The following CCDC18 variants were observed in gnomAD, a reference collection of about 807,000 sequenced individuals.
The protein encoded by CCDC18 is coiled-coil domain containing 18.
In CCDC18, 157 loss-of-function variants were observed where a neutral mutation model predicts 196.0. The observed-to-expected ratio is 0.80, with a 90% confidence interval of 0.70 to 0.91. CCDC18 has a LOEUF of 0.91. Ranked by LOEUF, CCDC18 falls within the 40% of genes least tolerant of loss-of-function variation. The probability of loss-of-function intolerance (pLI) is 0.00; values close to 1 mark genes in which losing one functional copy is unlikely to be tolerated. For synonymous variants in CCDC18, 482 were observed against 529.2 expected (o/e 0.91, Z 1.22); for missense variants, 1,465 against 1,611.6 (o/e 0.91, Z 1.56).
intron 8 of CCDC18, among the ~76,000 whole-genome samples, chr1:93,206,602 ATTAAGACTT>A (rs375707908): frequency 7.2e-5 from 11 of 152,164 alleles, no homozygotes; most frequent in African/African-American, 2.7e-4. Flanking sequence ...CCAGTGTGCC[ATTAAGACTT>A]GTTGATGCAG....
intron 6 of CCDC18, 77 bp from the exon 7 acceptor site, chr1:93,201,815 A>T: frequency 2.3e-6 from 2 of 868,442 alleles, no homozygotes; most frequent in Non-Finnish European, 3.5e-6. Flanking sequence ...CCTTATAATT[A>T]AAGATTACTT....
intron 25 of CCDC18, among the ~76,000 whole-genome samples, chr1:93,257,246 AAAAAAAAAAAAAAC>A (rs1663111940): frequency 6.9e-6 from 1 of 144,942 alleles, no homozygotes; most frequent in Non-Finnish European, 1.5e-5. Context: ...AAAAAAAAAA[AAAAAAAAAAAAAAC>A]ATGAAAACTA....
chr1:93,210,892 T>C lies in CCDC18; in HGVS notation c.1300T>C (p.Cys434Arg). Residue 434 changes from cysteine to arginine, a missense_variant, in exon 10 of 29, where the codon TGT becomes CGT. Transcript: ENST00000690025. ...SNKEDRCIGC[C>R]EANKLVISEL... ...CAAGGAAGACCGTTGCATTGGCTGC[T>C]GTGAGGCAAATAAATTGGTGATTTC... 6.2e-7 allele frequency: 1 copy of C among 1,613,956 alleles called. No individual in the cohort carries two copies. Among genetic ancestry groups the C allele is most frequent in the Non-Finnish European group, 8.5e-7 (1 of 1,179,868 alleles).
At chr1:93,206,970 A>G (rs1654814974) in intron 8 of CCDC18, 137 bp from the exon 9 acceptor site, 1 of 513,472 alleles carries the variant, frequency 1.9e-6, no homozygotes, top group African/African-American at 2.0e-5. Flanking sequence ...GCATGCAGAA[A>G]GTAGGTATTT....
rs1654848485 is a variant in CCDC18, at chr1:93,207,211, T to C, written c.1022T>C (p.Leu341Ser). ...CTAACTGAATCTAGACAAAGTATTT[T>C]GAAGCTAGAGAGTGAGTTAGAGAAC... ...AQLTESRQSI[L>S]KLESELENKD... is the part of the protein sequence containing the mutation. Residue 341 changes from leucine (L) to serine (S), a missense_variant, in exon 9 of 29, where the codon TTG becomes TCG. By Grantham distance (145) the Leu-to-Ser change is moderately radical. Transcript: ENST00000690025. 4 of 1,613,106 alleles carry C rather than the reference T, an allele frequency of 2.5e-6. No individual in the cohort carries two copies. Among genetic ancestry groups the C allele is most frequent in the Non-Finnish European group, 3.4e-6 (4 of 1,179,206 alleles).
chr1:93,246,046 T>A (rs1382465118), intron 21 of CCDC18, 59 bp from the exon 22 acceptor site: 1 of 1,217,862 alleles, frequency 8.2e-7, no homozygotes. Context: ...TTGACCTAAC[T>A]TTTTAAAATT....
At chr1:93,205,373 A>T in intron 7 of CCDC18, 137 bp from the exon 8 acceptor site, 1 of 673,730 alleles carries the variant, frequency 1.5e-6, no homozygotes, top group Non-Finnish European at 2.3e-6. Context: ...TCTTTTCACT[A>T]CAAGGCTGGG....
chr1:93,183,494 A>T lies in CCDC18; in HGVS notation c.133A>T (p.Ser45Cys), dbSNP rs761568879. The change falls in exon 2 of 29, where the codon AGT becomes TGT. Residue 45 changes from serine (S) to cysteine (C), a missense_variant and splice_region_variant. Coordinates refer to ENST00000690025, the MANE Select transcript of CCDC18 (RefSeq NM_001378204.1). ...GCAGAGTTTAGGGGAAGAGTTATCC[A>T]GGTAAGTAAGTAAAATCACATATAG... ...SLQSLGEELS[S>C]VSPSENSDYA... is the part of the protein sequence containing the mutation. 2 of 1,580,306 alleles carry T rather than the reference A, an allele frequency of 1.3e-6. No individual in the cohort carries two copies. The highest frequency in any genetic ancestry group is 2.4e-5 in the South Asian group (2 of 83,554).
chr1:93,270,679 T>G lies in CCDC18; in HGVS notation c.4218T>G (p.Pro1406=), dbSNP rs1362195259. Residue 1406 remains proline (P), a synonymous_variant, in exon 28 of 29, where the codon CCT becomes CCG. Coordinates refer to ENST00000690025, the MANE Select transcript of CCDC18 (RefSeq NM_001378204.1). ...ACACCCAGCCAGACTCATTTAAACC[T>G]CTCACATATAACCTAGAAGCTGATA... The part of the protein sequence containing the change: ...LTYTQPDSFK[P]LTYNLEADSS... The G allele has an allele frequency of 6.5e-7, 1 of 1,550,242 alleles. No homozygotes were observed. Among genetic ancestry groups the G allele is most frequent in the Non-Finnish European group, 8.7e-7 (1 of 1,146,896 alleles).
chr1:93,192,539 A>C (rs11164880), intron 5 of CCDC18, among the ~76,000 whole-genome samples: 93,755 of 152,064 alleles, frequency 0.62, 29,320 homozygotes, highest in South Asian at 0.69. Flanking sequence ...TCAAGTGATC[A>C]TTCTGCCTCA....
intron 28 of CCDC18, among the ~76,000 whole-genome samples, chr1:93,274,419 AG>A (rs1665519088): frequency 6.6e-6 from 1 of 152,098 alleles, no homozygotes; most frequent in African/African-American, 2.4e-5. Context: ...ATAAATAAAT[AG>A]TAGGAGTTAA....
chr1:93,232,465 A>G lies in CCDC18; in HGVS notation c.2332A>G (p.Ser778Gly). ...GAAAGAGCTAAAGATAAAAAATCAC[A>G]GTCTTCAAGAGACTTCTGAGCAAAA... ...LQKELKIKNH[S>G]LQETSEQNVI... Residue 778 changes from serine (S) to glycine (G), a missense_variant, in exon 18 of 29, where the codon AGT becomes GGT. Transcript: ENST00000690025. 2 of 1,608,118 alleles carry G rather than the reference A, an allele frequency of 1.2e-6. No homozygotes were observed. Among genetic ancestry groups the G allele is most frequent in the East Asian group, 2.2e-5 (1 of 44,800 alleles).
intron 19 of CCDC18, 145 bp from the exon 20 acceptor site, chr1:93,239,165 T>C: frequency 1.7e-6 from 1 of 588,410 alleles, no homozygotes; most frequent in Middle Eastern, 4.8e-4. Flanking sequence ...AGTTGGAGAA[T>C]TTTTAAAAAT....
intron 8 of CCDC18, among the ~76,000 whole-genome samples, chr1:93,206,222 G>C (rs1315431194): frequency 6.6e-6 from 1 of 152,024 alleles, no homozygotes; most frequent in Non-Finnish European, 1.5e-5. Flanking sequence ...TGACTGATTT[G>C]TCTAATTTTG....
intron 27 of CCDC18, among the ~76,000 whole-genome samples, chr1:93,267,405 C>T (rs1664675273): frequency 6.6e-6 from 1 of 152,154 alleles, no homozygotes; most frequent in Non-Finnish European, 1.5e-5. Flanking sequence ...CCTCTCTCAC[C>T]ACTCCTATTC....
intron 4 of CCDC18, chr1:93,190,864 ATCT>A: frequency 4.1e-6 from 3 of 728,188 alleles, no homozygotes; most frequent in South Asian, 2.7e-5. Flanking sequence ...CCTTAGCACA[ATCT>A]TCTTTGTAGT....
At chr1:93,278,136 G>A (rs1665733623) in intron 28 of CCDC18, among the ~76,000 whole-genome samples, 2 of 151,808 alleles carry the variant, frequency 1.3e-5, no homozygotes, top group South Asian at 2.1e-4. Context: ...ACAGACGCTC[G>A]CCACCACACC....
intron 17 of CCDC18, among the ~76,000 whole-genome samples, chr1:93,227,965 A>ATATATATATATATATATAT: frequency 8.7e-6 from 1 of 115,350 alleles, no homozygotes; most frequent in East Asian, 2.3e-4. Flanking sequence ...CTCAAAAAAA[A>ATATATATATATATATATAT]AAAAAAATAT....
rs200869845 is a variant in CCDC18, at chr1:93,207,242, C to G, written c.1053C>G (p.Asp351Glu). The change falls in exon 9 of 29, where the codon GAC (aspartate) becomes GAG (glutamate). Residue 351 changes from aspartate (D) to glutamate (E), a missense_variant. Physicochemically the swap from Asp to Glu is conservative, Grantham distance 45. Transcript: ENST00000690025. ...LKLESELENK[D>E]EILRDKFSLM... ...TAGAGAGTGAGTTAGAGAACAAAGA[C>G]GAAATACTTAGAGACAAATTTTCTT... 2 of 1,613,136 alleles carry G rather than the reference C, an allele frequency of 1.2e-6. No individual in the cohort carries two copies. Among genetic ancestry groups the G allele is most frequent in the African/African-American group, 2.7e-5 (2 of 74,806 alleles).
Sources: gnomAD v4.1 joint callset for allele counts (sites outside exome capture counted in the v4.1 genomes callset) on GRCh38, gnomAD v4.1.1 for gene constraint, MANE v1.5 for transcripts, NCBI Gene and HGNC (gene_info 2026-07-23, HGNC 2026-07-21) for gene names.